NELL2: variants seen among roughly 807,000 people sequenced by gnomAD.
The protein encoded by NELL2 is neural EGFL like 2.
A neutral mutation model predicts 109.6 loss-of-function variants in NELL2; 41 were observed. The observed-to-expected ratio is 0.37, with a 90% CI of 0.29 to 0.49. The LOEUF (loss-of-function observed/expected upper bound fraction) is 0.49. NELL2 is among the 20% of genes least tolerant of loss of function. The pLI is 0.98. For missense variants in NELL2, 900 were observed against 1,008.3 expected (o/e 0.89, Z 1.45); for synonymous variants, 355 against 344.7 (o/e 1.03, Z -0.33).
At chr12:44,872,664 C>T (rs1945197390) in intron 2 of NELL2, among the ~76,000 whole-genome samples, 1 of 152,070 alleles carries the variant, frequency 6.6e-6, no homozygotes, top group African/African-American at 2.4e-5. Context: ...TACATTACTG[C>T]AGGAAAAATT....
chr12:44,639,436 A>G (rs1042812672), intron 13 of NELL2, among the ~76,000 whole-genome samples: 2 of 152,196 alleles, frequency 1.3e-5, no homozygotes, highest in Non-Finnish European at 2.9e-5. Flanking sequence ...ATCTTCAGCT[A>G]AGCTGGGCTA....
intron 9 of NELL2, among the ~76,000 whole-genome samples, chr12:44,742,577 G>A (rs1940050323): frequency 6.6e-6 from 1 of 152,140 alleles, no homozygotes; most frequent in African/African-American, 2.4e-5. Flanking sequence ...TTAGACGAAT[G>A]GATAACTAGA....
intron 3 of NELL2, 122 bp downstream of exon 3, chr12:44,815,864 A>G: frequency 9.2e-7 from 1 of 1,087,760 alleles, no homozygotes; most frequent in Non-Finnish European, 1.3e-6. Context: ...TGATTTGCCC[A>G]CCTCGGCTTC....
chr12:44,714,416 A>T (rs970233622), intron 10 of NELL2, among the ~76,000 whole-genome samples: 2 of 152,042 alleles, frequency 1.3e-5, no homozygotes, highest in African/African-American at 4.8e-5. Flanking sequence ...ACAACTTCAT[A>T]AAGCTTTAAT....
chr12:44,721,217 T>C (rs1938753938), intron 9 of NELL2, among the ~76,000 whole-genome samples: 1 of 152,220 alleles, frequency 6.6e-6, no homozygotes, highest in South Asian at 2.1e-4. Context: ...GAAATTCTTT[T>C]AATTTAGCTG....
rs35098523 is a variant in NELL2, at chr12:44,578,629, CTT to C, written c.1663+28538_1663+28539del. Among the ~76,000 whole-genome samples the C allele has an allele frequency of 6.8e-3, 973 of 142,946 alleles. 5 individuals carry two copies. The highest frequency in any genetic ancestry group is 0.015 in the South Asian group (69 of 4,502). 93.8% of individuals were successfully genotyped at this position (142,946 alleles called of 152,430 possible). On this transcript the variant is annotated intron_variant, in intron 15 of 19. Transcript: ENST00000429094. ...CAAATCTATACCTTGCAAATATAGC[CTT>C]TTTTTTTTTTTGTGGCAACAAAAAA... is the stretch of plus-strand genomic sequence containing the variant.
intron 9 of NELL2, among the ~76,000 whole-genome samples, chr12:44,743,899 A>G (rs1034162488): frequency 2.0e-4 from 31 of 152,282 alleles, no homozygotes; most frequent in African/African-American, 7.5e-4. Context: ...AATGAGACAG[A>G]AAGTTAACAA....
At chr12:44,526,632 T>C (rs1272906844) in intron 16 of NELL2, among the ~76,000 whole-genome samples, 1 of 152,146 alleles carries the variant, frequency 6.6e-6, no homozygotes, top group African/African-American at 2.4e-5. Flanking sequence ...AACATAGTGA[T>C]TTGTTGGCTT....
At chr12:44,727,325 C>G (rs1316070950) in intron 9 of NELL2, among the ~76,000 whole-genome samples, 1 of 151,768 alleles carries the variant, frequency 6.6e-6, no homozygotes, top group Non-Finnish European at 1.5e-5. Flanking sequence ...CTGGTGTAGA[C>G]TCATCCAACT....
chr12:44,702,993 A>G (rs1373548653), intron 12 of NELL2, among the ~76,000 whole-genome samples: 1 of 152,150 alleles, frequency 6.6e-6, no homozygotes, highest in Non-Finnish European at 1.5e-5. Flanking sequence ...ACTTTCTCTG[A>G]ATGCCCAAAC....
At chr12:44,733,914 T>C (rs1939503954) in intron 9 of NELL2, among the ~76,000 whole-genome samples, 1 of 152,048 alleles carries the variant, frequency 6.6e-6, no homozygotes, top group Non-Finnish European at 1.5e-5. Context: ...TGAAATGAGC[T>C]TTATGGCACA....
intron 2 of NELL2, among the ~76,000 whole-genome samples, chr12:44,827,397 G>T (rs1386774827): frequency 2.8e-5 from 4 of 141,710 alleles, no homozygotes; most frequent in Admixed American, 2.3e-4. Flanking sequence ...AGGTCTTCTG[G>T]TCTTCTTCTA....
chr12:44,755,812 T>G (rs1479333521), intron 9 of NELL2, among the ~76,000 whole-genome samples: 1 of 152,232 alleles, frequency 6.6e-6, no homozygotes, highest in African/African-American at 2.4e-5. Flanking sequence ...TTAGTTAGTT[T>G]TTGATACTAT....
At chr12:44,699,891 T>C (rs10506255) in intron 12 of NELL2, among the ~76,000 whole-genome samples, 20,492 of 152,176 alleles carry the variant, frequency 0.13, 1,554 homozygotes, top group East Asian at 0.21. Context: ...TTCTATAAAA[T>C]GCTCAAATGT....
At chr12:44,852,409 C>G (rs912645619) in intron 2 of NELL2, among the ~76,000 whole-genome samples, 1 of 152,162 alleles carries the variant, frequency 6.6e-6, no homozygotes, top group East Asian at 1.9e-4. Flanking sequence ...TGAGGTAGCT[C>G]AGCATTTGCA....
In NELL2 at chr12:44,798,657, CAT is replaced by C. The variant is rs557449122; in HGVS notation, c.335+17327_335+17328del. Among the ~76,000 whole-genome samples, 85 of 152,156 alleles carry C rather than the reference CAT, an allele frequency of 5.6e-4. 1 individual carries two copies. The South Asian group carries it at 0.017, about 30-fold the overall frequency. On this transcript the variant is annotated intron_variant, in intron 3 of 19. Coordinates refer to ENST00000429094, the MANE Select transcript of NELL2 (RefSeq NM_001145108.2). The stretch of plus-strand genomic sequence containing the variant: ...TAAAGAAATGTGAAAAATACAAGTA[CAT>C]ATATCTAACATAATCTTGAAAAAAG...
At chr12:44,586,859 G>C (rs948807166) in intron 15 of NELL2, among the ~76,000 whole-genome samples, 1 of 152,156 alleles carries the variant, frequency 6.6e-6, no homozygotes, top group Non-Finnish European at 1.5e-5. Context: ...CCAATGCCCT[G>C]CACAAAGTCA....
At chr12:44,561,538 C>G (rs914460550) in intron 15 of NELL2, among the ~76,000 whole-genome samples, 1 of 149,644 alleles carries the variant, frequency 6.7e-6, no homozygotes, top group African/African-American at 2.4e-5. Flanking sequence ...CACTAATAGA[C>G]AGCCAAATCA....
At chr12:44,873,266 C>T (rs1566573911) in intron 2 of NELL2, among the ~76,000 whole-genome samples, 1 of 152,100 alleles carries the variant, frequency 6.6e-6, no homozygotes, top group Admixed American at 6.5e-5. Context: ...TCGGCATCAA[C>T]AAGGAAGGAA....
Sources: allele counts gnomAD v4.1 joint callset (sites outside exome capture counted in the v4.1 genomes callset), GRCh38; gene constraint gnomAD v4.1.1; transcripts MANE v1.5; gene names NCBI Gene and HGNC (gene_info 2026-07-23, HGNC 2026-07-21).